Variants in CEP85L observed in about 807,000 individuals in gnomAD.
CEP85L encodes centrosomal protein of 85 kDa-like.
CEP85L carries 60 observed loss-of-function variants against 100.3 expected under a neutral mutation model. The ratio of observed to expected loss-of-function variants is 0.60; its 90% confidence interval spans 0.49 to 0.74. The LOEUF (loss-of-function observed/expected upper bound fraction) is 0.74. Ranked by LOEUF, CEP85L falls within the 30% of genes least tolerant of loss-of-function variation. The probability of loss-of-function intolerance (pLI) is 0.00; values close to 1 mark genes in which losing one functional copy is unlikely to be tolerated. For synonymous variants in CEP85L, 319 were observed against 322.7 expected (o/e 0.99, Z 0.12); for missense variants, 973 against 936.2 (o/e 1.04, Z -0.51).
rs546977705 is a variant in CEP85L at position 118,465,389 on chromosome 6, T to C, written c.*16A>G. 2 of 1,609,732 alleles carry C rather than the reference T, an allele frequency of 1.2e-6. No individual in the cohort carries two copies. The highest frequency in any genetic ancestry group is 2.2e-5 in the South Asian group (2 of 90,594). The stretch of plus-strand genomic sequence containing the variant: ...TTTAAACAACAGGTCATTATTGCTG[T>C]GGGACTAACACTTGATCACTGAGTA... On this transcript the variant is annotated 3_prime_UTR_variant, in exon 13 of 13. Coordinates refer to ENST00000368491, the MANE Select transcript of CEP85L (RefSeq NM_001042475.3).
At chr6:118,593,110 G>C (rs1311940292) in intron 2 of CEP85L, among the ~76,000 whole-genome samples, 1 of 152,140 alleles carries the variant, frequency 6.6e-6, no homozygotes, top group Non-Finnish European at 1.5e-5. Flanking sequence ...AAAAGAGACA[G>C]AGCCCCTGGG....
At chr6:118,509,601 T>A (rs2114708867) in intron 5 of CEP85L, among the ~76,000 whole-genome samples, 1 of 152,196 alleles carries the variant, frequency 6.6e-6, no homozygotes, top group East Asian at 1.9e-4. Flanking sequence ...TATACCAATG[T>A]CTCTAGTATT....
intron 2 of CEP85L, among the ~76,000 whole-genome samples, chr6:118,569,169 C>T (rs897990216): frequency 4.6e-5 from 7 of 151,412 alleles, no homozygotes; most frequent in Admixed American, 3.3e-4. Context: ...TAATGAAACT[C>T]CATCTCTACT....
chr6:118,483,638 C>A, intron 7 of CEP85L, 68 bp downstream of exon 7: 3 of 1,472,814 alleles, frequency 2.0e-6, no homozygotes, highest in Non-Finnish European at 1.8e-6. Context: ...TTATAGTTAG[C>A]CAAATTTCTA....
At chr6:118,632,071 G>C (rs907882336) in intron 2 of CEP85L, among the ~76,000 whole-genome samples, 23 of 152,194 alleles carry the variant, frequency 1.5e-4, no homozygotes, top group African/African-American at 5.3e-4. Flanking sequence ...CTCACTGCAA[G>C]CTCCGCCTCC....
At chr6:118,582,773 C>T (rs1416772398) in intron 2 of CEP85L, among the ~76,000 whole-genome samples, 1 of 152,170 alleles carries the variant, frequency 6.6e-6, no homozygotes, top group Admixed American at 6.5e-5. Flanking sequence ...AGTCGAGGGA[C>T]AGCTAATCCT....
At chr6:118,652,871 A>T, upstream of CEP85L, 1 of 715,524 alleles carries the variant, frequency 1.4e-6, no homozygotes, top group Non-Finnish European at 2.3e-6. Context: ...TTATTATTTT[A>T]ATGTGCACTA....
chr6:118,579,851 T>G (rs1361807993), intron 2 of CEP85L, among the ~76,000 whole-genome samples: 2 of 152,236 alleles, frequency 1.3e-5, no homozygotes, highest in Non-Finnish European at 2.9e-5. Flanking sequence ...CCAGCAAGCT[T>G]TGATATGCAA....
chr6:118,697,946 C>A (rs1053729003), intron 1 of CEP85L, among the ~76,000 whole-genome samples: 1 of 152,076 alleles, frequency 6.6e-6, no homozygotes, highest in East Asian at 1.9e-4. Context: ...GCTCTAGAAC[C>A]CTGACGTTCC....
At chr6:118,465,711 G>T (rs180865615) in intron 12 of CEP85L, 143 bp from the exon 13 acceptor site, 55 of 683,712 alleles carry the variant, frequency 8.0e-5, no homozygotes, top group Non-Finnish European at 4.8e-6. Context: ...TTTAAATCAT[G>T]CATCATTCAA....
chr6:118,559,693 C>G (rs1222930529), intron 3 of CEP85L: 1 of 168,756 alleles, frequency 5.9e-6, no homozygotes, highest in African/African-American at 2.4e-5. Flanking sequence ...TGATGAGAAT[C>G]AAGTATGGAA....
upstream of CEP85L, chr6:118,651,676 C>T (rs1417555475): frequency 2.1e-6 from 2 of 965,026 alleles, no homozygotes; most frequent in Admixed American, 6.5e-5. Flanking sequence ...GCGTGCGCGG[C>T]GCCGCGCGGG....
At chr6:118,580,316 T>C (rs748889984) in intron 2 of CEP85L, among the ~76,000 whole-genome samples, 1 of 152,208 alleles carries the variant, frequency 6.6e-6, no homozygotes, top group Non-Finnish European at 1.5e-5. Flanking sequence ...CCTCCAGTCA[T>C]CAGAGTCGTA....
chr6:118,628,725 C>T (rs1323911964), intron 2 of CEP85L, among the ~76,000 whole-genome samples: 1 of 152,040 alleles, frequency 6.6e-6, no homozygotes, highest in African/African-American at 2.4e-5. Context: ...GCCTTACACC[C>T]TTCACAAAAT....
intron 1 of CEP85L, among the ~76,000 whole-genome samples, chr6:118,668,729 A>G (rs908160467): frequency 6.6e-6 from 1 of 152,276 alleles, no homozygotes; most frequent in African/African-American, 2.4e-5. Flanking sequence ...TAAAGGGAAC[A>G]GAACAAAATT....
intron 2 of CEP85L, among the ~76,000 whole-genome samples, chr6:118,600,407 G>A (rs1026486104): frequency 1.4e-5 from 2 of 139,646 alleles, no homozygotes; most frequent in African/African-American, 2.7e-5. Context: ...TGCAACCTCC[G>A]CCTTCCAGGT....
chr6:118,695,555 A>C (rs186257960), intron 1 of CEP85L, among the ~76,000 whole-genome samples: 87 of 152,324 alleles, frequency 5.7e-4, no homozygotes, highest in Middle Eastern at 3.4e-3. Context: ...TGCATTTCTC[A>C]CAAGTACCCA....
intron 7 of CEP85L, 75 bp from the exon 8 acceptor site, chr6:118,482,008 G>A: frequency 1.2e-6 from 1 of 814,698 alleles, no homozygotes; most frequent in Non-Finnish European, 1.7e-6. Flanking sequence ...TTACTGTGTT[G>A]GCAAGGATTA....
At chr6:118,590,887 G>A (rs535008984) in intron 2 of CEP85L, among the ~76,000 whole-genome samples, 100 of 152,186 alleles carry the variant, frequency 6.6e-4, no homozygotes, top group Non-Finnish European at 1.1e-3. Context: ...TGTCCGTGTC[G>A]TTTTATTTAA....
Sources: gnomAD v4.1 joint callset for allele counts (sites outside exome capture counted in the v4.1 genomes callset) on GRCh38, gnomAD v4.1.1 for gene constraint, MANE v1.5 for transcripts, NCBI Gene and HGNC (gene_info 2026-07-23, HGNC 2026-07-21) for gene names.